RHCE: variants seen among roughly 807,000 people sequenced by gnomAD.
The protein encoded by RHCE is blood group Rh(CE) polypeptide.
A neutral mutation model predicts 43.8 loss-of-function variants in RHCE; 22 were observed. That is an observed-to-expected ratio of 0.50 (90% CI 0.36 to 0.72). RHCE has a LOEUF of 0.72. Ranked by LOEUF, RHCE falls within the 30% of genes least tolerant of loss-of-function variation. RHCE has a pLI of 0.00. For missense variants in RHCE, 385 were observed against 525.4 expected, an observed-to-expected ratio of 0.73 and a Z score of 2.61; for synonymous variants, 156 against 210.7, an observed-to-expected ratio of 0.74 and a Z score of 2.25.
At chr1:25,373,248 C>CA (rs1354099199) in intron 8 of RHCE, among the ~76,000 whole-genome samples, 3 of 151,654 alleles carry the variant, frequency 2.0e-5, no homozygotes, top group Non-Finnish European at 4.4e-5. Flanking sequence ...GGGTACTTTG[C>CA]AAGACAGAGG....
Position 25,385,749 on chromosome 1 carries a change from C to T in RHCE, c.1035G>A (p.Val345=), listed in dbSNP as rs929039795. 2 of 1,613,942 alleles carry T rather than the reference C, an allele frequency of 1.2e-6. No homozygotes were observed. The highest frequency in any genetic ancestry group is 1.3e-5 in the African/African-American group (1 of 74,976). Residue 345 remains valine, a synonymous_variant, in exon 7 of 10, where the codon GTG becomes GTA. Coordinates refer to ENST00000294413, the MANE Select transcript of RHCE (RefSeq NM_020485.8). ...LGLLGEITYI[V]LLVLHTVWNG... ...TCCAGACAGTATGAAGCACCAGCAGCACAATGTAGGTGATCTCTCCAAGCA... is the reference window on the plus strand; with the variant it reads ...TCCAGACAGTATGAAGCACCAGCAGTACAATGTAGGTGATCTCTCCAAGCA...
rs201244993 is a variant in RHCE, at chr1:25,389,129, G to A, written c.802-16C>T. On this transcript the variant is annotated splice_polypyrimidine_tract_variant and intron_variant, in intron 5 of 9. Coordinates refer to ENST00000294413, the MANE Select transcript of RHCE (RefSeq NM_020485.8). Reference sequence around the variant, plus strand: ...GCACATAAGTCTGCAAAGAAATAGCGTGTGGGTAAAGGAAGCAAGGTAGAG... The same window carrying A: ...GCACATAAGTCTGCAAAGAAATAGCATGTGGGTAAAGGAAGCAAGGTAGAG... 2.0e-4 allele frequency: 330 copies of A among 1,613,280 alleles called. 1 individual carries two copies. The South Asian group carries it at 2.7e-3, about 13-fold the overall frequency.
intron 8 of RHCE, among the ~76,000 whole-genome samples, chr1:25,373,303 G>A (rs921777391): frequency 7.2e-5 from 11 of 151,728 alleles, no homozygotes; most frequent in African/African-American, 2.7e-4. Context: ...ACAGTGAATA[G>A]TGTGAGTCCC....
At chr1:25,370,566 A>C in intron 8 of RHCE, 26 bp from the exon 9 acceptor site, 2 of 1,574,258 alleles carry the variant, frequency 1.3e-6, no homozygotes, top group Non-Finnish European at 8.7e-7. Context: ...ATTTAATGTT[A>C]AAAGATTTGG....
chr1:25,389,301 C>G (rs1646283605), intron 5 of RHCE, among the ~76,000 whole-genome samples, 188 bp from the exon 6 acceptor site: 4 of 152,014 alleles, frequency 2.6e-5, no homozygotes, highest in Admixed American at 2.0e-4. Flanking sequence ...GGCCAGCTCA[C>G]TACTGCCTCT....
chr1:25,416,366 C>A (rs1030125231), intron 1 of RHCE, among the ~76,000 whole-genome samples: 4 of 151,966 alleles, frequency 2.6e-5, no homozygotes, highest in Non-Finnish European at 4.4e-5. Context: ...TGGGTTCACG[C>A]CATTCTCCTG....
At chr1:25,418,772 C>T (rs2042675808) in intron 1 of RHCE, among the ~76,000 whole-genome samples, 2 of 152,226 alleles carry the variant, frequency 1.3e-5, no homozygotes, top group Admixed American at 1.3e-4. Context: ...CAGGCACCTC[C>T]CTCCAGAAGC....
At chr1:25,425,248 G>T (rs1429363466), upstream of RHCE, among the ~76,000 whole-genome samples, 2 of 152,202 alleles carry the variant, frequency 1.3e-5, no homozygotes, top group Non-Finnish European at 2.9e-5. Context: ...ATAAATATTT[G>T]TTGGCTGAAT....
intron 1 of RHCE, among the ~76,000 whole-genome samples, chr1:25,412,715 T>TA (rs1165784820): frequency 0.023 from 2,666 of 116,062 alleles, 69 homozygotes; most frequent in African/African-American, 0.031. Flanking sequence ...ACCCTTTTTT[T>TA]AAAAAAAAAA....
At chr1:25,423,246 A>AG (rs1200292986), upstream of RHCE, among the ~76,000 whole-genome samples, 3 of 152,280 alleles carry the variant, frequency 2.0e-5, no homozygotes, top group East Asian at 5.8e-4. Context: ...TTTCCTGAGA[A>AG]GGAACTCCCC....
At position 25,409,913 on chromosome 1, in the gene RHCE, T is replaced by C. The variant is rs201039095; in HGVS notation, c.149-1044A>G. 1.2e-3 allele frequency among the ~76,000 whole-genome samples: 176 copies of C among 150,674 alleles called. 1 individual carries two copies. The East Asian group carries it at 0.02, about 18-fold the overall frequency. ...AGCTAAGATTTTTTTTTTTTAATTT[T>C]GAGATAGAGTTTCACTCTTGTCACC... is the stretch of plus-strand genomic sequence containing the variant. On this transcript the variant is annotated intron_variant, in intron 1 of 9. Transcript: ENST00000294413.
chr1:25,379,740 C>A (rs1201395677), intron 7 of RHCE, among the ~76,000 whole-genome samples: 2 of 148,568 alleles, frequency 1.3e-5, no homozygotes, highest in African/African-American at 5.0e-5. Context: ...AGTGGCACGA[C>A]CATAGCTCAC....
chr1:25,414,847 CAGA>C (rs1036079472), intron 1 of RHCE, among the ~76,000 whole-genome samples: 14 of 152,262 alleles, frequency 9.2e-5, no homozygotes, highest in African/African-American at 3.4e-4. Flanking sequence ...GTGAAACTAA[CAGA>C]AGAACTGCCC....
intron 3 of RHCE, among the ~76,000 whole-genome samples, chr1:25,396,406 C>T (rs615069): frequency 1.1e-4 from 17 of 152,122 alleles, no homozygotes; most frequent in Non-Finnish European, 2.1e-4. Context: ...GTTAACTGAA[C>T]AATGGTTATG....
At chr1:25,414,924 A>G (rs1019321486) in intron 1 of RHCE, among the ~76,000 whole-genome samples, 2 of 152,158 alleles carry the variant, frequency 1.3e-5, no homozygotes, top group African/African-American at 4.8e-5. Flanking sequence ...AAAGGTTGCT[A>G]TTTTAAGCCA....
chr1:25,376,375 A>G (rs1173933470), intron 7 of RHCE, among the ~76,000 whole-genome samples: 1 of 152,232 alleles, frequency 6.6e-6, no homozygotes, highest in Non-Finnish European at 1.5e-5. Flanking sequence ...GTACACAACA[A>G]GCCAGTTTTT....
chr1:25,384,428 C>A, intron 7 of RHCE, among the ~76,000 whole-genome samples: 1 of 151,898 alleles, frequency 6.6e-6, no homozygotes, highest in African/African-American at 2.4e-5. Flanking sequence ...CTGTTCTCTA[C>A]AGGCATCTGA....
intron 7 of RHCE, among the ~76,000 whole-genome samples, chr1:25,376,770 C>T (rs1159189518): frequency 4.0e-5 from 6 of 151,866 alleles, no homozygotes; most frequent in Non-Finnish European, 5.9e-5. Context: ...AAACATTAGC[C>T]GGGAGTGGTG....
intron 8 of RHCE, among the ~76,000 whole-genome samples, chr1:25,371,494 C>T (rs190630144): frequency 6.6e-6 from 1 of 151,730 alleles, no homozygotes; most frequent in Admixed American, 6.5e-5. Context: ...CCTCAGCCTC[C>T]CAAGTAGCTG....
Sources: gnomAD v4.1 joint callset for allele counts (sites outside exome capture counted in the v4.1 genomes callset) on GRCh38, gnomAD v4.1.1 for gene constraint, MANE v1.5 for transcripts, NCBI Gene and HGNC (gene_info 2026-07-23, HGNC 2026-07-21) for gene names.